The following SLC36A1 variants were observed in gnomAD, a reference collection of about 807,000 sequenced individuals.
SLC36A1 encodes proton-coupled amino acid transporter 1.
In SLC36A1, 30 loss-of-function variants were observed where a neutral mutation model predicts 47.5. The ratio of observed to expected loss-of-function variants is 0.63; its 90% CI spans 0.47 to 0.86. SLC36A1 has a LOEUF of 0.86. SLC36A1 is among the 40% of genes least tolerant of loss of function. The pLI, the probability that SLC36A1 is intolerant of heterozygous loss-of-function variation, is 0.00. For synonymous variants in SLC36A1, 255 were observed against 249.7 expected, an observed-to-expected ratio of 1.02 and a Z score of -0.20; for missense variants, 517 against 606.0, an observed-to-expected ratio of 0.85 and a Z score of 1.54.
At chr5:151,553,108 A>G in the SLC36A1 span, 1 of 1,488,538 alleles carries the variant, frequency 6.7e-7, no homozygotes, top group African/African-American at 1.4e-5. Flanking sequence ...GGACTGTAGC[A>G]GGAAAACTAG....
chr5:151,544,452 T>G, the SLC36A1 span: 1 of 1,614,156 alleles, frequency 6.2e-7, no homozygotes. Flanking sequence ...CTGTTACTGT[T>G]AGGACACCAG....
At chr5:151,496,706 C>T (rs950019082), downstream of SLC36A1, among the ~76,000 whole-genome samples, 1 of 152,194 alleles carries the variant, frequency 6.6e-6, no homozygotes, top group Non-Finnish European at 1.5e-5. Context: ...CAGGTGCATG[C>T]CACCACGCCT....
chr5:151,352,718 T>C, the SLC36A1 span, among the ~76,000 whole-genome samples: 1 of 152,218 alleles, frequency 6.6e-6, no homozygotes, highest in Admixed American at 6.5e-5. Flanking sequence ...TTCCCTGATA[T>C]TCCCATAGTG....
At chr5:151,353,203 A>C in the SLC36A1 span, among the ~76,000 whole-genome samples, 1 of 152,224 alleles carries the variant, frequency 6.6e-6, no homozygotes, top group African/African-American at 2.4e-5. Flanking sequence ...TATATATAAT[A>C]TAGATATCAT....
the SLC36A1 span, chr5:151,517,666 T>C: frequency 3.1e-6 from 5 of 1,614,052 alleles, no homozygotes; most frequent in African/African-American, 1.3e-5. Context: ...AAGAATGGCC[T>C]GTGGCTGGAG....
chr5:151,522,452 A>C, the SLC36A1 span, among the ~76,000 whole-genome samples: 1 of 152,130 alleles, frequency 6.6e-6, no homozygotes, highest in Non-Finnish European at 1.5e-5. Context: ...GCGCCCTCAG[A>C]TGTCTCAGCA....
chr5:151,531,869 C>A, the SLC36A1 span: 1 of 1,614,130 alleles, frequency 6.2e-7, no homozygotes, highest in South Asian at 1.1e-5. The surrounding 1 kb of genome is among the most constrained non-coding windows in gnomAD (Gnocchi z 5.7). Context: ...TGGGGCCTGA[C>A]CTGCAGCGGC....
chr5:151,477,313 T>G (rs1410956863), intron 9 of SLC36A1: 1 of 180,462 alleles, frequency 5.5e-6, no homozygotes, highest in Non-Finnish European at 1.2e-5. Flanking sequence ...ATGAATCATC[T>G]CATGGTGGAG....
chr5:151,525,044 T>C, the SLC36A1 span, among the ~76,000 whole-genome samples: 3 of 152,232 alleles, frequency 2.0e-5, no homozygotes, highest in Non-Finnish European at 4.4e-5. Flanking sequence ...CTCCTTACCC[T>C]CTGCTATGTT....
At chr5:151,367,853 A>G in the SLC36A1 span, among the ~76,000 whole-genome samples, 2 of 152,196 alleles carry the variant, frequency 1.3e-5, no homozygotes, top group African/African-American at 4.8e-5. Flanking sequence ...ATTTGAAAAC[A>G]TTTCATAGGA....
At chr5:151,545,865 A>G in the SLC36A1 span, 2 of 1,614,230 alleles carry the variant, frequency 1.2e-6, no homozygotes, top group Admixed American at 1.7e-5. Flanking sequence ...ACATAGGAGC[A>G]TTGTCATTTT....
chr5:151,506,073 C>A, the SLC36A1 span: 2 of 1,529,290 alleles, frequency 1.3e-6, no homozygotes, highest in South Asian at 1.3e-5. Context: ...AGTAGGGGGC[C>A]AGACCATGGC....
chr5:151,372,866 T>C, the SLC36A1 span, among the ~76,000 whole-genome samples: 2 of 152,102 alleles, frequency 1.3e-5, no homozygotes, highest in Non-Finnish European at 2.9e-5. Flanking sequence ...GTGAAAAAAC[T>C]AGAACATCCA....
chr5:151,519,909 A>C, the SLC36A1 span, among the ~76,000 whole-genome samples: 1 of 152,216 alleles, frequency 6.6e-6, no homozygotes, highest in Non-Finnish European at 1.5e-5. Flanking sequence ...TCTGGAGGTG[A>C]CACCCAGGAG....
upstream of SLC36A1, among the ~76,000 whole-genome samples, chr5:151,432,306 C>T (rs1017868618): frequency 2.0e-5 from 3 of 152,214 alleles, no homozygotes; most frequent in Non-Finnish European, 4.4e-5. Context: ...AGCAGTTGCT[C>T]TTGCAAAGGC....
At chr5:151,531,833 C>G in the SLC36A1 span, 1 of 1,613,952 alleles carries the variant, frequency 6.2e-7, no homozygotes, top group Non-Finnish European at 8.5e-7. This position sits in a 1 kb window ranked among gnomAD's most constrained non-coding sequence, Gnocchi z 5.7. Flanking sequence ...AGGTCAGAGG[C>G]ACGGACCGTG....
At chr5:151,536,609 C>A in the SLC36A1 span, among the ~76,000 whole-genome samples, 1 of 152,236 alleles carries the variant, frequency 6.6e-6, no homozygotes, top group African/African-American at 2.4e-5. Flanking sequence ...CCTGGCTACT[C>A]CTGGCCTACC....
the SLC36A1 span, among the ~76,000 whole-genome samples, chr5:151,389,773 G>A: frequency 6.6e-6 from 1 of 151,922 alleles, no homozygotes; most frequent in Admixed American, 6.6e-5. Context: ...ATGCCATGGT[G>A]TATATGTGCC....
the SLC36A1 span, among the ~76,000 whole-genome samples, chr5:151,402,812 C>T: frequency 1.3e-5 from 2 of 152,104 alleles, no homozygotes; most frequent in Non-Finnish European, 1.5e-5. Flanking sequence ...TCATAATAAT[C>T]TCTGAGGATC....
Sources: allele counts gnomAD v4.1 joint callset (sites outside exome capture counted in the v4.1 genomes callset), GRCh38; gene constraint gnomAD v4.1.1; non-coding constraint Gnocchi (gnomAD v3.1); transcripts MANE v1.5; gene names NCBI Gene and HGNC (gene_info 2026-07-23, HGNC 2026-07-21).